Variants in MAN2B2 observed in about 807,000 individuals in gnomAD.
MAN2B2 encodes the protein mannosidase alpha class 2B member 2, also known as epididymis-specific alpha-mannosidase.
MAN2B2 carries 106 observed loss-of-function variants against 117.1 expected under a neutral mutation model. The ratio of observed to expected loss-of-function variants is 0.90; its 90% CI spans 0.77 to 1.06. The LOEUF is 1.06. Ranked by LOEUF, MAN2B2 falls within the 50% of genes least tolerant of loss-of-function variation. MAN2B2 has a pLI of 0.00. For missense variants in MAN2B2, 1,326 were observed against 1,381.4 expected (o/e 0.96, Z 0.64); for synonymous variants, 544 against 595.1 (o/e 0.91, Z 1.25).
chr4:6,596,241 G>T (rs1335152023), intron 7 of MAN2B2, among the ~76,000 whole-genome samples: 1 of 152,066 alleles, frequency 6.6e-6, no homozygotes, highest in Non-Finnish European at 1.5e-5. Context: ...GACCACTGAG[G>T]ATGTGGAGCC....
chr4:6,576,669 A>G lies in MAN2B2; in HGVS notation c.230A>G (p.Gln77Arg). 2 of 1,614,032 alleles carry G rather than the reference A, an allele frequency of 1.2e-6. No individual in the cohort carries two copies. The highest frequency in any genetic ancestry group is 1.7e-6 in the Non-Finnish European group (2 of 1,180,008). Residue 77 changes from glutamine to arginine, a missense_variant, in exon 2 of 19, where the codon CAG becomes CGG. Transcript: ENST00000285599. ...CAGCGCCGGTTCATCGCTGTGGAGC[A>G]GGAGTTTTTCCGGCTGTGGTGGGAT... Reference protein sequence around the residue: ...GQQRRFIAVEQEFFRLWWDGV... With the variant: ...GQQRRFIAVEREFFRLWWDGV...
At chr4:6,610,116 A>G in intron 13 of MAN2B2, 66 bp downstream of exon 13, 1 of 1,592,854 alleles carries the variant, frequency 6.3e-7, no homozygotes, top group South Asian at 1.1e-5. Context: ...TTAAGCATCA[A>G]ATTGCAGCAG....
At chr4:6,597,892 C>T (rs2108746161) in intron 8 of MAN2B2, among the ~76,000 whole-genome samples, 1 of 152,304 alleles carries the variant, frequency 6.6e-6, no homozygotes, top group African/African-American at 2.4e-5. Context: ...TAACAGTTCC[C>T]CAAAAGGAGC....
chr4:6,589,530 C>T (rs190961090), intron 5 of MAN2B2, among the ~76,000 whole-genome samples: 33 of 152,218 alleles, frequency 2.2e-4, no homozygotes, highest in Admixed American at 1.3e-3. Context: ...CATGAGCCGC[C>T]GCGCCCAGCC....
chr4:6,604,860 T>C (rs1727473933), intron 10 of MAN2B2, among the ~76,000 whole-genome samples, 195 bp from the exon 11 acceptor site: 1 of 151,922 alleles, frequency 6.6e-6, no homozygotes, highest in Non-Finnish European at 1.5e-5. Flanking sequence ...TATCTTCAGG[T>C]CGCTGAAGGG....
intron 1 of MAN2B2, among the ~76,000 whole-genome samples, 184 bp from the exon 2 acceptor site, chr4:6,576,394 C>T (rs1228850153): frequency 3.3e-5 from 5 of 152,172 alleles, no homozygotes; most frequent in Admixed American, 6.5e-5. Flanking sequence ...CAGGAGAGCA[C>T]GATCCCATCC....
At position 6,605,039 on chromosome 4, in the gene MAN2B2, C is replaced by A. The variant is rs1001501257; in HGVS notation, c.1540-16C>A. ...AGAGCTGACAGTTAACAAGTCTCAT[C>A]CTGCTGGCCTTGCAGATCCAGAACT... On this transcript the variant is annotated splice_polypyrimidine_tract_variant and intron_variant, in intron 10 of 18. Coordinates refer to ENST00000285599, the MANE Select transcript of MAN2B2 (RefSeq NM_015274.3). 2 of 1,603,726 alleles carry A rather than the reference C, an allele frequency of 1.2e-6. No homozygotes were observed. The highest frequency in any genetic ancestry group is 1.7e-6 in the Non-Finnish European group (2 of 1,172,370).
rs759951115 is a variant in MAN2B2 at position 6,587,059 on chromosome 4, C to A, written c.455C>A (p.Pro152Gln). ...IRPQFSWHVD[P>Q]FGASATTPTL... ...CCACAGTTCTCCTGGCACGTTGACC[C>A]GTTTGGCGCCTCTGCCACGACGCCC... Residue 152 changes from proline (P) to glutamine (Q), a missense_variant, in exon 4 of 19, where the codon CCG becomes CAG. Physicochemically the swap from Pro to Gln is moderately conservative, Grantham distance 76. Transcript: ENST00000285599. The A allele has an allele frequency of 1.2e-6, 2 of 1,613,946 alleles. No individual in the cohort carries two copies. Among genetic ancestry groups the A allele is most frequent in the Non-Finnish European group, 1.7e-6 (2 of 1,180,020 alleles).
chr4:6,584,097 T>C (rs753650853), intron 3 of MAN2B2, among the ~76,000 whole-genome samples: 5 of 152,224 alleles, frequency 3.3e-5, no homozygotes, highest in Non-Finnish European at 7.3e-5. Flanking sequence ...TAGTGCTGGC[T>C]GCCAATTTCT....
intron 16 of MAN2B2, among the ~76,000 whole-genome samples, chr4:6,614,631 A>T (rs868196217): frequency 6.6e-6 from 1 of 152,286 alleles, no homozygotes; most frequent in East Asian, 1.9e-4. Context: ...GCTGAGACTA[A>T]GGAACTAGTT....
intron 1 of MAN2B2, 29 bp downstream of exon 1, chr4:6,575,377 C>G: frequency 1.4e-6 from 2 of 1,462,264 alleles, no homozygotes; most frequent in Non-Finnish European, 9.1e-7. Context: ...CCGCGCGCCC[C>G]TGAGGCTGCA....
chr4:6,617,857 T>C (rs1482929410), intron 17 of MAN2B2: 3 of 232,426 alleles, frequency 1.3e-5, no homozygotes, highest in Non-Finnish European at 2.5e-5. Context: ...GTTTTTTTTT[T>C]TTTTTTTGAG....
At chr4:6,597,409 C>A in intron 8 of MAN2B2, 106 bp downstream of exon 8, 1 of 1,229,378 alleles carries the variant, frequency 8.1e-7, no homozygotes, top group Non-Finnish European at 1.1e-6. Flanking sequence ...CTAGAGGCCC[C>A]ACTTTACAGA....
intron 10 of MAN2B2, among the ~76,000 whole-genome samples, chr4:6,602,815 T>G (rs189314680): frequency 8.3e-4 from 126 of 152,126 alleles, no homozygotes; most frequent in Middle Eastern, 6.8e-3. Context: ...GGACCACAGG[T>G]GCACACCACC....
intron 11 of MAN2B2, among the ~76,000 whole-genome samples, chr4:6,606,237 G>A (rs1577289927): frequency 6.6e-6 from 1 of 152,380 alleles, no homozygotes; most frequent in East Asian, 1.9e-4. Context: ...CAAGGTCACT[G>A]TCAGCAGCTC....
rs1711529351 is a variant in MAN2B2 at position 6,611,070 on chromosome 4, C to T, written c.2371-16C>T. 6.2e-7 allele frequency: 1 copy of T among 1,611,872 alleles called. No homozygotes were observed. The highest frequency in any genetic ancestry group is 8.5e-7 in the Non-Finnish European group (1 of 1,178,444). ...CCAGGTGCAAGCCGGGCCTCTCGGA[C>T]AATGCCTTCCCGCAGGTCATGCTCC... On this transcript the variant is annotated splice_polypyrimidine_tract_variant and intron_variant, in intron 14 of 18. Coordinates refer to ENST00000285599, the MANE Select transcript of MAN2B2 (RefSeq NM_015274.3).
At chr4:6,619,798 G>C (rs1471941817) in intron 17 of MAN2B2, 129 bp from the exon 18 acceptor site, 3 of 729,066 alleles carry the variant, frequency 4.1e-6, no homozygotes, top group African/African-American at 3.5e-5. Context: ...GCTGTGTCAG[G>C]CACCAGGGGA....
intron 18 of MAN2B2, 143 bp from the exon 19 acceptor site, chr4:6,621,045 G>A: frequency 3.3e-6 from 2 of 613,576 alleles, no homozygotes; most frequent in South Asian, 2.1e-5. Context: ...GAGGCTGGGA[G>A]CCACAGCAGA....
At chr4:6,582,262 T>C (rs1726458168) in intron 3 of MAN2B2, among the ~76,000 whole-genome samples, 1 of 152,194 alleles carries the variant, frequency 6.6e-6, no homozygotes. Flanking sequence ...CCCTCTCCTG[T>C]GTCACAGACT....
Sources: gnomAD v4.1 joint callset for allele counts (sites outside exome capture counted in the v4.1 genomes callset) on GRCh38, gnomAD v4.1.1 for gene constraint, MANE v1.5 for transcripts, NCBI Gene and HGNC (gene_info 2026-07-23, HGNC 2026-07-21) for gene names.